The following TRAPPC9 variants were observed in gnomAD, a reference collection of about 807,000 sequenced individuals.
TRAPPC9 encodes the protein IKK2 binding protein.
A neutral mutation model predicts 124.0 loss-of-function variants in TRAPPC9; 83 were observed. The observed-to-expected ratio is 0.67, with a 90% CI of 0.56 to 0.80. The LOEUF (loss-of-function observed/expected upper bound fraction) is 0.80. Among genes scored for constraint, TRAPPC9 ranks in the 30% least tolerant of loss-of-function variants. TRAPPC9 has a pLI of 0.00. For missense variants in TRAPPC9, 1,302 were observed against 1,508.3 expected, an observed-to-expected ratio of 0.86 and a Z score of 2.27; for synonymous variants, 638 against 617.5, an observed-to-expected ratio of 1.03 and a Z score of -0.49.
intron 17 of TRAPPC9, among the ~76,000 whole-genome samples, chr8:140,163,924 A>G (rs528928427): frequency 1.3e-5 from 2 of 152,376 alleles, no homozygotes; most frequent in Admixed American, 1.3e-4. Context: ...AGGAGGAGAA[A>G]TTTTTAGAGA....
chr8:139,961,555 A>T (rs1180040159), intron 19 of TRAPPC9, among the ~76,000 whole-genome samples: 1 of 124,464 alleles, frequency 8.0e-6, no homozygotes, highest in African/African-American at 2.5e-5. Context: ...AGCCAGGAAC[A>T]GGCAGGAACT....
At chr8:139,848,204 C>T (rs1827223214) in intron 21 of TRAPPC9, among the ~76,000 whole-genome samples, 1 of 152,238 alleles carries the variant, frequency 6.6e-6, no homozygotes, top group Non-Finnish European at 1.5e-5. Context: ...GTCCAGCCAG[C>T]CGCCGCCTCC....
chr8:139,905,962 T>C (rs936247320), intron 20 of TRAPPC9, among the ~76,000 whole-genome samples: 3 of 151,662 alleles, frequency 2.0e-5, no homozygotes, highest in African/African-American at 7.3e-5. Flanking sequence ...GGCGTGGTGG[T>C]GTACATCTGT....
intron 7 of TRAPPC9, among the ~76,000 whole-genome samples, chr8:140,380,654 CAAA>C (rs563391017): frequency 0.023 from 1,101 of 48,436 alleles, 12 homozygotes; most frequent in African/African-American, 0.059. Context: ...GACTCTGTCT[CAAA>C]AAAAAAAAAA....
At chr8:140,302,051 C>A (rs1406604202) in intron 10 of TRAPPC9, among the ~76,000 whole-genome samples, 1 of 152,210 alleles carries the variant, frequency 6.6e-6, no homozygotes, top group African/African-American at 2.4e-5. Context: ...TGCATAATAA[C>A]AACTGCCTTA....
chr8:140,241,131 G>A lies in TRAPPC9; in HGVS notation c.2431+11646C>T, dbSNP rs1380448232. 6.6e-6 allele frequency among the ~76,000 whole-genome samples: 1 copy of A among 152,200 alleles called. No individual in the cohort carries two copies. Among genetic ancestry groups the A allele is most frequent in the Non-Finnish European group, 1.5e-5 (1 of 68,048 alleles). On this transcript the variant is annotated intron_variant, in intron 16 of 22. Transcript: ENST00000438773. This position sits in a 1 kb window ranked among gnomAD's most constrained non-coding sequence, Gnocchi z 5.0. ...AAGACCATTCAGGCCGGGTGTGGTG[G>A]CTCACACCTGTAATTCCAGCACTTT...
intron 21 of TRAPPC9, among the ~76,000 whole-genome samples, chr8:139,875,456 G>A (rs1188146203): frequency 2.0e-5 from 3 of 152,246 alleles, no homozygotes; most frequent in African/African-American, 7.2e-5. Context: ...CTTTTCCTCT[G>A]AATATAGGTT....
chr8:140,359,939 C>T (rs2067891432), intron 9 of TRAPPC9, 111 bp downstream of exon 9: 6 of 1,462,086 alleles, frequency 4.1e-6, no homozygotes, highest in Non-Finnish European at 4.8e-6. Context: ...AAGAGCTGGG[C>T]AGCATCTTCC....
At chr8:140,427,583 T>C (rs1044112074) in intron 4 of TRAPPC9, among the ~76,000 whole-genome samples, 1 of 152,212 alleles carries the variant, frequency 6.6e-6, no homozygotes, top group Non-Finnish European at 1.5e-5. Flanking sequence ...TCAACTTCTC[T>C]ATAGAATGCA....
intron 13 of TRAPPC9, among the ~76,000 whole-genome samples, 159 bp from the exon 14 acceptor site, chr8:140,284,180 CCCA>C (rs1223831432): frequency 6.6e-6 from 1 of 152,198 alleles, no homozygotes; most frequent in Non-Finnish European, 1.5e-5. Context: ...CGCCCTCAAC[CCCA>C]CGACCCTCAC....
intron 17 of TRAPPC9, among the ~76,000 whole-genome samples, chr8:140,033,061 T>G (rs1373033196): frequency 6.6e-6 from 1 of 152,228 alleles, no homozygotes; most frequent in African/African-American, 2.4e-5. Flanking sequence ...TTCCCTATTT[T>G]TTTAATTGAC....
chr8:140,288,870 G>A (rs2065564949), intron 12 of TRAPPC9, among the ~76,000 whole-genome samples: 1 of 152,174 alleles, frequency 6.6e-6, no homozygotes, highest in Admixed American at 6.5e-5. Flanking sequence ...TGGGCGAAGG[G>A]GGAAATCCTG....
intron 17 of TRAPPC9, among the ~76,000 whole-genome samples, chr8:140,161,963 G>A (rs936271934): frequency 6.6e-6 from 1 of 152,150 alleles, no homozygotes; most frequent in Non-Finnish European, 1.5e-5. Flanking sequence ...AAGCCCGAGT[G>A]TCCGGCAGAG....
intron 7 of TRAPPC9, among the ~76,000 whole-genome samples, chr8:140,376,166 T>A (rs1260696947): frequency 6.6e-6 from 1 of 152,108 alleles, no homozygotes; most frequent in Admixed American, 6.6e-5. Context: ...CATTCAAAAG[T>A]AAGAATGAAA....
intron 9 of TRAPPC9, among the ~76,000 whole-genome samples, chr8:140,350,853 C>T: frequency 6.6e-6 from 1 of 151,918 alleles, no homozygotes; most frequent in Non-Finnish European, 1.5e-5. Flanking sequence ...CACACTGAGT[C>T]CTGGGTTTTA....
Position 139,968,612 on chromosome 8 carries a change from T to A in TRAPPC9, c.2810+20114A>T, listed in dbSNP as rs140682844. Among the ~76,000 whole-genome samples, 420 of 152,310 alleles carry A rather than the reference T, an allele frequency of 2.8e-3. 1 individual carries two copies. The highest frequency in any genetic ancestry group is 9.5e-3 in the African/African-American group (396 of 41,554). On this transcript the variant is annotated intron_variant, in intron 19 of 22. Transcript: ENST00000438773. ...ACAAGGCTCATGTGGAGGGGCCTCT[T>A]CCCGTTCTCCTCTTCAGAATGACAG...
At chr8:139,951,822 G>A (rs1441415071) in intron 19 of TRAPPC9, among the ~76,000 whole-genome samples, 2 of 152,300 alleles carry the variant, frequency 1.3e-5, no homozygotes, top group South Asian at 4.1e-4. Flanking sequence ...GTTTCAAATA[G>A]AATGCAAGTG....
At chr8:140,129,117 T>C (rs767738526) in intron 17 of TRAPPC9, among the ~76,000 whole-genome samples, 37 of 152,134 alleles carry the variant, frequency 2.4e-4, no homozygotes, top group Non-Finnish European at 5.0e-4. Flanking sequence ...AAGCGTCCAG[T>C]CACCTCTAAA....
intron 18 of TRAPPC9, among the ~76,000 whole-genome samples, chr8:140,010,254 T>G (rs375332643): frequency 1.3e-4 from 20 of 152,120 alleles, no homozygotes; most frequent in African/African-American, 4.3e-4. Context: ...AAAAAACATA[T>G]GAAAGATGGA....
Sources: allele counts gnomAD v4.1 joint callset (sites outside exome capture counted in the v4.1 genomes callset), GRCh38; gene constraint gnomAD v4.1.1; non-coding constraint Gnocchi (gnomAD v3.1); transcripts MANE v1.5; gene names NCBI Gene and HGNC (gene_info 2026-07-23, HGNC 2026-07-21).